SAMSN1: variants seen among roughly 807,000 people sequenced by gnomAD.
SAMSN1 encodes SAM domain, SH3 domain and nuclear localization signals 1.
Under a neutral mutation model 42.0 loss-of-function variants are expected in SAMSN1, and 31 were observed. That is an observed-to-expected ratio of 0.74 (90% confidence interval 0.55 to 1.00). The LOEUF (loss-of-function observed/expected upper bound fraction) is 1.00, where lower values mean the gene tolerates loss of function less well. Among genes scored for constraint, SAMSN1 ranks in the 50% least tolerant of loss-of-function variants. SAMSN1 has a pLI of 0.00. For synonymous variants in SAMSN1, 178 were observed against 151.9 expected (o/e 1.17, Z -1.26); for missense variants, 464 against 439.4 (o/e 1.06, Z -0.50).
At chr21:14,492,402 A>G (rs1203710468) in intron 7 of SAMSN1, among the ~76,000 whole-genome samples, 1 of 152,156 alleles carries the variant, frequency 6.6e-6, no homozygotes, top group Non-Finnish European at 1.5e-5. Flanking sequence ...CTGACTTACT[A>G]TTTGGGGATC....
intron 5 of SAMSN1, among the ~76,000 whole-genome samples, chr21:14,505,499 A>T (rs1158637471): frequency 6.6e-6 from 1 of 152,254 alleles, no homozygotes; most frequent in African/African-American, 2.4e-5. Context: ...GAAAAAGACA[A>T]ATAGGGACAT....
intron 6 of SAMSN1, 143 bp downstream of exon 6, chr21:14,500,386 A>C: frequency 1.5e-6 from 1 of 661,978 alleles, no homozygotes; most frequent in Non-Finnish European, 2.6e-6. Context: ...ATAAAAGAGA[A>C]ATAAGAGCTC....
intron 6 of SAMSN1, chr21:14,594,165 T>C (rs1188882426): frequency 3.2e-6 from 2 of 616,714 alleles, no homozygotes; most frequent in South Asian, 1.9e-5. Flanking sequence ...GCTACCAAAC[T>C]AATTGGGAAA....
chr21:14,622,583 A>G (rs1983044028), intron 2 of SAMSN1, among the ~76,000 whole-genome samples: 2 of 152,252 alleles, frequency 1.3e-5, no homozygotes, highest in Non-Finnish European at 2.9e-5. Flanking sequence ...AAAAGAGTAA[A>G]AAGAAATGAA....
intron 1 of SAMSN1, among the ~76,000 whole-genome samples, chr21:14,654,380 G>A (rs867595495): frequency 6.6e-6 from 1 of 151,992 alleles, no homozygotes; most frequent in South Asian, 2.1e-4. Flanking sequence ...TCTAAAATAC[G>A]TAAACATGTA....
chr21:14,654,660 C>T (rs536983880), intron 1 of SAMSN1, among the ~76,000 whole-genome samples: 2 of 152,070 alleles, frequency 1.3e-5, no homozygotes, highest in Non-Finnish European at 2.9e-5. Flanking sequence ...CAAAATTTAA[C>T]AACACGGCCA....
chr21:14,637,480 C>T (rs753891235), intron 2 of SAMSN1, among the ~76,000 whole-genome samples: 1 of 152,074 alleles, frequency 6.6e-6, no homozygotes, highest in Non-Finnish European at 1.5e-5. Context: ...GTGTGAGTCA[C>T]GTTATATTTC....
chr21:14,511,682 C>A (rs1164658670), intron 4 of SAMSN1, among the ~76,000 whole-genome samples: 1 of 152,140 alleles, frequency 6.6e-6, no homozygotes, highest in Non-Finnish European at 1.5e-5. Context: ...AGATGTATAA[C>A]AGTCTACATA....
intron 5 of SAMSN1, among the ~76,000 whole-genome samples, chr21:14,603,981 C>A (rs149834333): frequency 1.2e-3 from 187 of 152,146 alleles, no homozygotes; most frequent in Middle Eastern, 6.8e-3. Context: ...CGCCATATGG[C>A]CCCAAACAAG....
intron 1 of SAMSN1, among the ~76,000 whole-genome samples, chr21:14,532,349 T>C (rs943088437): frequency 2.6e-5 from 4 of 152,184 alleles, no homozygotes; most frequent in African/African-American, 9.7e-5. Context: ...TTTTTCTTAG[T>C]AAGAACAGAC....
chr21:14,491,659 G>C (rs1026572934), intron 7 of SAMSN1, among the ~76,000 whole-genome samples: 1 of 152,134 alleles, frequency 6.6e-6, no homozygotes, highest in African/African-American at 2.4e-5. Flanking sequence ...CAGTATACAA[G>C]TGTTCAACTC....
intron 2 of SAMSN1, among the ~76,000 whole-genome samples, chr21:14,642,280 AT>A (rs1380926857): frequency 6.6e-6 from 1 of 152,224 alleles, no homozygotes; most frequent in Non-Finnish European, 1.5e-5. Context: ...GACAGGTACA[AT>A]TTTGTATAAT....
Position 14,485,958 on chromosome 21 carries a change from A to G in SAMSN1, c.1076T>C (p.Leu359Pro). The G allele has an allele frequency of 1.2e-6, 2 of 1,613,830 alleles. No homozygotes were observed. The highest frequency in any genetic ancestry group is 1.7e-6 in the Non-Finnish European group (2 of 1,179,770). Residue 359 changes from leucine to proline, a missense_variant, in exon 8 of 8, where the codon CTG becomes CCG. Leu to Pro is a moderately conservative substitution (Grantham distance 98). Transcript: ENST00000400566. ...AATAATCTTATGTACCATGTCAGAC[A>G]GATTTTCAGACTCCAGATCCTCTTT... ...NGKEDLESEN[L>P]SDMVHKIIIT...
At chr21:14,544,757 A>G (rs931841717) in intron 1 of SAMSN1, among the ~76,000 whole-genome samples, 5 of 152,136 alleles carry the variant, frequency 3.3e-5, no homozygotes, top group Non-Finnish European at 7.4e-5. Context: ...TGATGGAGTA[A>G]AGTATCATTT....
intron 2 of SAMSN1, among the ~76,000 whole-genome samples, chr21:14,518,014 G>A (rs1194888749): frequency 2.6e-5 from 4 of 152,100 alleles, no homozygotes; most frequent in African/African-American, 7.2e-5. Context: ...TCTGATACTC[G>A]CTAAAGTTTG....
chr21:14,513,683 C>G (rs1987786556), intron 3 of SAMSN1, among the ~76,000 whole-genome samples: 1 of 152,130 alleles, frequency 6.6e-6, no homozygotes, highest in South Asian at 2.1e-4. Context: ...GGAGTATCCT[C>G]CAAAGACCTC....
intron 1 of SAMSN1, among the ~76,000 whole-genome samples, chr21:14,538,835 C>T (rs1351036358): frequency 1.3e-5 from 2 of 151,884 alleles, no homozygotes; most frequent in African/African-American, 4.8e-5. Context: ...TTAGTATGCA[C>T]TTTAGATTAA....
intron 7 of SAMSN1, among the ~76,000 whole-genome samples, chr21:14,494,240 A>G (rs368903971): frequency 1.3e-5 from 2 of 152,182 alleles, no homozygotes; most frequent in East Asian, 3.8e-4. Context: ...AAATTACTCT[A>G]CTATAAAGAC....
chr21:14,499,085 C>T (rs1461173037), intron 6 of SAMSN1, among the ~76,000 whole-genome samples: 7 of 152,086 alleles, frequency 4.6e-5, no homozygotes, highest in Admixed American at 4.6e-4. Flanking sequence ...AGATGTAATT[C>T]TATACAAAAA....
Sources: gnomAD v4.1 joint callset for allele counts (sites outside exome capture counted in the v4.1 genomes callset) on GRCh38, gnomAD v4.1.1 for gene constraint, MANE v1.5 for transcripts, NCBI Gene and HGNC (gene_info 2026-07-23, HGNC 2026-07-21) for gene names.